Variants in CIBAR1 observed in about 807,000 individuals in gnomAD.
CIBAR1 encodes CBY1 interacting BAR domain containing 1.
CIBAR1 carries 25 observed loss-of-function variants against 44.0 expected under a neutral mutation model. The ratio of observed to expected loss-of-function variants is 0.57; its 90% CI spans 0.41 to 0.79. CIBAR1 has a LOEUF of 0.79. Ranked by LOEUF, CIBAR1 falls within the 30% of genes least tolerant of loss-of-function variation. The probability of loss-of-function intolerance (pLI) is 0.00; values close to 1 mark genes in which losing one functional copy is unlikely to be tolerated. For synonymous variants in CIBAR1, 115 were observed against 119.0 expected (o/e 0.97, Z 0.22); for missense variants, 278 against 344.8 (o/e 0.81, Z 1.53).
chr8:93,706,771 G>T (rs1202919953), intron 4 of CIBAR1, among the ~76,000 whole-genome samples: 1 of 152,154 alleles, frequency 6.6e-6, no homozygotes, highest in East Asian at 1.9e-4. Context: ...GGTAAGATCT[G>T]CAACTTGTGT....
chr8:93,701,172 CCTT>C (rs1344832310), intron 1 of CIBAR1, 49 bp from the exon 2 acceptor site: 2 of 1,566,686 alleles, frequency 1.3e-6, no homozygotes, highest in Non-Finnish European at 8.7e-7. Context: ...TAACGTGAAG[CCTT>C]CTCATCTCTA....
At chr8:93,728,116 T>A in intron 8 of CIBAR1, 89 bp from the exon 9 acceptor site, 2 of 616,198 alleles carry the variant, frequency 3.2e-6, no homozygotes, top group Non-Finnish European at 5.0e-6. Context: ...ATTTGTTGTG[T>A]GCCCTTTAAT....
At chr8:93,712,638 C>T (rs1810868217) in intron 6 of CIBAR1, among the ~76,000 whole-genome samples, 1 of 152,162 alleles carries the variant, frequency 6.6e-6, no homozygotes, top group African/African-American at 2.4e-5. Flanking sequence ...AAAGTGAATG[C>T]ACCATTGTGT....
At chr8:93,717,571 T>G (rs892807896) in intron 6 of CIBAR1, among the ~76,000 whole-genome samples, 8 of 152,156 alleles carry the variant, frequency 5.3e-5, no homozygotes, top group African/African-American at 1.7e-4. Flanking sequence ...TAAGTGTTTT[T>G]CCAATCATCT....
At chr8:93,721,246 A>G (rs1252327328) in intron 7 of CIBAR1, 1 of 152,256 alleles carries the variant, frequency 6.6e-6, no homozygotes, top group African/African-American at 2.4e-5. Context: ...GGCAGCTTCA[A>G]AAGTGATCCC....
intron 6 of CIBAR1, among the ~76,000 whole-genome samples, chr8:93,713,184 C>T (rs1810901537): frequency 6.6e-6 from 1 of 151,892 alleles, no homozygotes; most frequent in African/African-American, 2.4e-5. Context: ...AGGCATGCAC[C>T]ACCACACCCG....
chr8:93,729,784 A>G lies in CIBAR1; in HGVS notation c.*1487A>G, dbSNP rs1217333765. 6.6e-6 allele frequency: 1 copy of G among 152,214 alleles called. No homozygotes were observed. Among genetic ancestry groups the G allele is most frequent in the African/African-American group, 2.4e-5 (1 of 41,454 alleles). 9.4% of individuals were successfully genotyped at this position (152,214 alleles called of 1,614,324 possible). ...CCATGTAAGACTTAAGTACACTTAA[A>G]AAATGTGAAAAACCATTCCTAGCTT... On this transcript the variant is annotated 3_prime_UTR_variant, in exon 9 of 9. Coordinates refer to ENST00000518322, the MANE Select transcript of CIBAR1 (RefSeq NM_145269.5).
chr8:93,710,535 G>C (rs928547715), intron 6 of CIBAR1, among the ~76,000 whole-genome samples: 2 of 151,760 alleles, frequency 1.3e-5, no homozygotes, highest in Non-Finnish European at 2.9e-5. Context: ...GGATGAGGTG[G>C]TGTTATGAAA....
intron 2 of CIBAR1, chr8:93,702,117 A>G (rs779275325): frequency 6.8e-6 from 2 of 293,246 alleles, no homozygotes; most frequent in Non-Finnish European, 1.4e-5. Context: ...AGGTTAACTT[A>G]TCAGAAGTTG....
rs1046353368 is a variant in CIBAR1 at position 93,728,995 on chromosome 8, A to C, written c.*698A>C. On this transcript the variant is annotated 3_prime_UTR_variant, in exon 9 of 9. Coordinates refer to ENST00000518322, the MANE Select transcript of CIBAR1 (RefSeq NM_145269.5). ...ATGTTGCCTCATCATAGAACACCAT[A>C]GATCATTAAAAATTCTATAAAAATT... 5 of 152,132 alleles carry C rather than the reference A, an allele frequency of 3.3e-5. No homozygotes were observed. Among genetic ancestry groups the C allele is most frequent in the African/African-American group, 9.6e-5 (4 of 41,456 alleles). 9.4% of individuals were successfully genotyped at this position (152,132 alleles called of 1,614,324 possible). A position where few individuals can be genotyped will look rare whatever the true frequency, so the allele number is the denominator to read the frequency against.
chr8:93,701,196 T>C, intron 1 of CIBAR1, 28 bp from the exon 2 acceptor site: 1 of 1,600,146 alleles, frequency 6.2e-7, no homozygotes, highest in Non-Finnish European at 8.5e-7. Context: ...ACGAGAATGT[T>C]TTGCCTTTTG....
At chr8:93,702,026 T>A in intron 2 of CIBAR1, 1 of 227,782 alleles carries the variant, frequency 4.4e-6, no homozygotes, top group Non-Finnish European at 8.9e-6. Context: ...CTTGTGATTG[T>A]TTTCTTTCTA....
At chr8:93,722,957 T>A (rs926889799) in intron 7 of CIBAR1, among the ~76,000 whole-genome samples, 4 of 152,214 alleles carry the variant, frequency 2.6e-5, no homozygotes, top group Non-Finnish European at 5.9e-5. Context: ...ATGTTTCTCC[T>A]CCAAATACCA....
At chr8:93,717,889 G>C (rs1405306184) in intron 6 of CIBAR1, among the ~76,000 whole-genome samples, 2 of 152,106 alleles carry the variant, frequency 1.3e-5, no homozygotes, top group African/African-American at 2.4e-5. Flanking sequence ...CCCCTGCTTA[G>C]ATCAACATGC....
At chr8:93,719,609 T>C (rs2130358210) in intron 7 of CIBAR1, 1 of 152,346 alleles carries the variant, frequency 6.6e-6, no homozygotes, top group Middle Eastern at 3.4e-3. Context: ...TCTGACTGAC[T>C]GTGTAATGTA....
At chr8:93,720,295 A>G (rs11986702) in intron 7 of CIBAR1, among the ~76,000 whole-genome samples, 2 of 151,672 alleles carry the variant, frequency 1.3e-5, no homozygotes, top group African/African-American at 2.4e-5. Context: ...TTTTTTTTGT[A>G]TCTTAACTAT....
Position 93,709,822 on chromosome 8 carries a change from C to T in CIBAR1, c.490C>T (p.His164Tyr). ...AATGGATGCTAGCCGAACAAGTCGT[C>T]ATCTGGAGGAAACTATTAACAACTT... is the stretch of plus-strand genomic sequence containing the variant. ...AAMDASRTSR[H>Y]LEETINNFER... Residue 164 changes from histidine (H) to tyrosine (Y), a missense_variant, in exon 6 of 9, where the codon CAT (histidine) becomes TAT (tyrosine). Coordinates refer to ENST00000518322, the MANE Select transcript of CIBAR1 (RefSeq NM_145269.5). The T allele has an allele frequency of 6.2e-7, 1 of 1,613,160 alleles. No individual in the cohort carries two copies. Among genetic ancestry groups the T allele is most frequent in the East Asian group, 2.2e-5 (1 of 44,852 alleles).
At chr8:93,722,055 A>G (rs533130424) in intron 7 of CIBAR1, among the ~76,000 whole-genome samples, 1 of 152,268 alleles carries the variant, frequency 6.6e-6, no homozygotes, top group Non-Finnish European at 1.5e-5. Context: ...CAAAAACAAA[A>G]CAGCACAGTA....
At position 93,728,707 on chromosome 8, in the gene CIBAR1, C is replaced by A. The variant is rs1251919230; in HGVS notation, c.*410C>A. 1 of 152,368 alleles carries A rather than the reference C, an allele frequency of 6.6e-6. No individual in the cohort carries two copies. The highest frequency in any genetic ancestry group is 2.4e-5 in the African/African-American group (1 of 41,394). 9.4% of individuals were successfully genotyped at this position (152,368 alleles called of 1,614,324 possible). A position where few individuals can be genotyped will look rare whatever the true frequency, so the allele number is the denominator to read the frequency against. On this transcript the variant is annotated 3_prime_UTR_variant, in exon 9 of 9. Coordinates refer to ENST00000518322, the MANE Select transcript of CIBAR1 (RefSeq NM_145269.5). Reference sequence around the variant, plus strand: ...CGTAGTCATTATGATTCATGGAATTCTATTCCATGAAGCCTTAAGAAAAAA... The same window carrying A: ...CGTAGTCATTATGATTCATGGAATTATATTCCATGAAGCCTTAAGAAAAAA...
Sources: gnomAD v4.1 joint callset for allele counts (sites outside exome capture counted in the v4.1 genomes callset) on GRCh38, gnomAD v4.1.1 for gene constraint, MANE v1.5 for transcripts, NCBI Gene and HGNC (gene_info 2026-07-23, HGNC 2026-07-21) for gene names.